NAALADL2: variants seen among roughly 807,000 people sequenced by gnomAD.
NAALADL2 encodes N-acetylated alpha-linked acidic dipeptidase like 2.
Under a neutral mutation model 87.2 loss-of-function variants are expected in NAALADL2, and 76 were observed. The observed-to-expected ratio is 0.87, with a 90% CI of 0.72 to 1.05. The LOEUF is 1.05. NAALADL2 is among the 50% of genes least tolerant of loss of function. The probability of loss-of-function intolerance (pLI) is 0.00; values close to 1 mark genes in which losing one functional copy is unlikely to be tolerated. For synonymous variants in NAALADL2, 354 were observed against 331.0 expected (o/e 1.07, Z -0.75); for missense variants, 1,089 against 945.8 (o/e 1.15, Z -1.99).
intron 1 of NAALADL2, among the ~76,000 whole-genome samples, chr3:174,455,449 C>T (rs777842477): frequency 6.6e-6 from 1 of 152,080 alleles, no homozygotes; most frequent in African/African-American, 2.4e-5. Context: ...GGCCAACATC[C>T]TTGATGCACA....
chr3:175,551,273 A>G (rs1714308401), intron 9 of NAALADL2, among the ~76,000 whole-genome samples: 1 of 152,174 alleles, frequency 6.6e-6, no homozygotes, highest in African/African-American at 2.4e-5. Flanking sequence ...TTTTGATTGT[A>G]TCTAGAGACT....
chr3:175,265,350 T>C (rs1194756570), intron 4 of NAALADL2, among the ~76,000 whole-genome samples: 2 of 151,718 alleles, frequency 1.3e-5, no homozygotes, highest in Non-Finnish European at 3.0e-5. Flanking sequence ...TGCATTGATA[T>C]TTCATAGGTA....
chr3:174,900,360 C>G (rs1579434473), intron 1 of NAALADL2, among the ~76,000 whole-genome samples: 2 of 151,808 alleles, frequency 1.3e-5, no homozygotes, highest in South Asian at 4.1e-4. Flanking sequence ...CAAATAAAAT[C>G]TTAAATAAAA....
At chr3:175,495,090 A>AT (rs1482846281) in intron 9 of NAALADL2, among the ~76,000 whole-genome samples, 10 of 134,072 alleles carry the variant, frequency 7.5e-5, no homozygotes, top group Non-Finnish European at 1.1e-4. Flanking sequence ...ATATATATAT[A>AT]TATTTTTTTT....
chr3:174,760,633 ACTGAATGGCCT>A (rs1205839278), intron 3 of NAALADL2, among the ~76,000 whole-genome samples: 1 of 152,236 alleles, frequency 6.6e-6, no homozygotes, highest in Non-Finnish European at 1.5e-5. Flanking sequence ...CTGGATGGCC[ACTGAATGGCCT>A]CTGCTAGGCT....
At chr3:175,707,999 T>TG (rs922986975) in intron 11 of NAALADL2, among the ~76,000 whole-genome samples, 4 of 151,142 alleles carry the variant, frequency 2.6e-5, no homozygotes, top group African/African-American at 7.3e-5. Context: ...ACTGAAGACA[T>TG]GGGGGAAAAA....
intron 2 of NAALADL2, among the ~76,000 whole-genome samples, chr3:175,138,734 A>T (rs1471309): frequency 0.99 from 146,950 of 148,830 alleles, 72,546 homozygotes; most frequent in East Asian, 1. Context: ...CAGGCTCACA[A>T]CACCATGCCC....
At chr3:175,532,482 G>A (rs1734211445) in intron 9 of NAALADL2, among the ~76,000 whole-genome samples, 1 of 152,208 alleles carries the variant, frequency 6.6e-6, no homozygotes, top group Non-Finnish European at 1.5e-5. Context: ...TTAATTGAGG[G>A]GCCGTGATTC....
chr3:174,814,550 C>T (rs1176736940), intron 3 of NAALADL2, among the ~76,000 whole-genome samples: 2 of 151,736 alleles, frequency 1.3e-5, no homozygotes, highest in African/African-American at 4.8e-5. Context: ...ATGTGTGTAC[C>T]TTGTGTGTGA....
At chr3:175,023,002 G>T (rs1751754306) in intron 1 of NAALADL2, among the ~76,000 whole-genome samples, 1 of 151,968 alleles carries the variant, frequency 6.6e-6, no homozygotes, top group Admixed American at 6.6e-5. Flanking sequence ...TTGACTCTTA[G>T]GAATATTGTG....
chr3:174,590,206 G>A (rs531019101), intron 2 of NAALADL2, among the ~76,000 whole-genome samples: 1 of 151,670 alleles, frequency 6.6e-6, no homozygotes, highest in African/African-American at 2.4e-5. Context: ...GTTTTATAAG[G>A]ATATCTTGGT....
intron 1 of NAALADL2, among the ~76,000 whole-genome samples, chr3:174,893,689 C>A (rs1279060501): frequency 6.6e-6 from 1 of 151,916 alleles, no homozygotes; most frequent in East Asian, 1.9e-4. Context: ...TCATGGTAAC[C>A]TCAACCAATA....
intron 9 of NAALADL2, among the ~76,000 whole-genome samples, chr3:175,499,991 A>T (rs1729322429): frequency 6.6e-6 from 1 of 152,060 alleles, no homozygotes; most frequent in Non-Finnish European, 1.5e-5. Context: ...GAGCGTCAAT[A>T]TTGACATCTA....
At chr3:175,395,440 T>A (rs1180585203) in intron 5 of NAALADL2, among the ~76,000 whole-genome samples, 2 of 152,278 alleles carry the variant, frequency 1.3e-5, no homozygotes, top group East Asian at 3.9e-4. Context: ...AAAAATGTCA[T>A]ACTCTTGAGA....
At chr3:175,155,591 T>C (rs1415563254) in intron 2 of NAALADL2, among the ~76,000 whole-genome samples, 1 of 152,182 alleles carries the variant, frequency 6.6e-6, no homozygotes, top group East Asian at 1.9e-4. Flanking sequence ...TTATTAATGA[T>C]CTTTTTCTAT....
At chr3:174,969,137 G>C (rs1393781888) in intron 1 of NAALADL2, among the ~76,000 whole-genome samples, 1 of 151,984 alleles carries the variant, frequency 6.6e-6, no homozygotes, top group African/African-American at 2.4e-5. Context: ...TGCTACTTTG[G>C]CTTTTTCTTT....
intron 9 of NAALADL2, among the ~76,000 whole-genome samples, chr3:175,507,878 G>T (rs77594460): frequency 1.3e-5 from 2 of 151,954 alleles, no homozygotes; most frequent in Non-Finnish European, 2.9e-5. Context: ...TTCATACTCT[G>T]TTAGGTTGTT....
chr3:175,787,313 T>C (rs532115742), intron 13 of NAALADL2, among the ~76,000 whole-genome samples: 3,710 of 149,688 alleles, frequency 0.025, 66 homozygotes, highest in South Asian at 0.046. Context: ...CCCCCAGCCT[T>C]CCTGCTGCCT....
chr3:174,956,399 G>A (rs999999261), intron 1 of NAALADL2, among the ~76,000 whole-genome samples: 7 of 152,050 alleles, frequency 4.6e-5, no homozygotes, highest in Non-Finnish European at 1.0e-4. Flanking sequence ...ATCTATGAGA[G>A]GCAGAGTCCT....
Sources: gnomAD v4.1 joint callset for allele counts (sites outside exome capture counted in the v4.1 genomes callset) on GRCh38, gnomAD v4.1.1 for gene constraint, MANE v1.5 for transcripts, NCBI Gene and HGNC (gene_info 2026-07-23, HGNC 2026-07-21) for gene names.